Variants in PPP1R9A observed in about 807,000 individuals in gnomAD.
PPP1R9A encodes the protein neurabin-1.
Under a neutral mutation model 141.9 loss-of-function variants are expected in PPP1R9A, and 59 were observed. The ratio of observed to expected loss-of-function variants is 0.42; its 90% CI spans 0.34 to 0.52. The LOEUF (loss-of-function observed/expected upper bound fraction) is 0.52, where lower values mean the gene tolerates loss of function less well. Among genes scored for constraint, PPP1R9A ranks in the 20% least tolerant of loss-of-function variants. PPP1R9A has a pLI of 0.10. For missense variants in PPP1R9A, 1,444 were observed against 1,611.9 expected (o/e 0.90, Z 1.78); for synonymous variants, 500 against 569.7 (o/e 0.88, Z 1.74).
intron 5 of PPP1R9A, among the ~76,000 whole-genome samples, chr7:95,170,053 G>C (rs1357593179): frequency 6.6e-6 from 1 of 151,636 alleles, no homozygotes; most frequent in Non-Finnish European, 1.5e-5. Flanking sequence ...TAAAAAGAAG[G>C]TTCTACTCCA....
chr7:95,179,342 C>T (rs1458303591), intron 5 of PPP1R9A, among the ~76,000 whole-genome samples: 2 of 152,066 alleles, frequency 1.3e-5, no homozygotes, highest in African/African-American at 2.4e-5. Flanking sequence ...AATTAAAACT[C>T]ACAGTAACAT....
intron 8 of PPP1R9A, among the ~76,000 whole-genome samples, chr7:95,245,701 C>T (rs892722174): frequency 2.0e-5 from 3 of 152,172 alleles, no homozygotes; most frequent in Admixed American, 6.5e-5. Context: ...GATTAGGTTC[C>T]TTGCCAGGTG....
intron 8 of PPP1R9A, among the ~76,000 whole-genome samples, chr7:95,227,919 A>G (rs961543592): frequency 2.6e-5 from 4 of 152,166 alleles, no homozygotes; most frequent in African/African-American, 9.7e-5. Context: ...TCATTTCTTC[A>G]GAATATTGCC....
At chr7:95,156,251 G>T (rs1344405951) in intron 4 of PPP1R9A, 3 of 152,306 alleles carry the variant, frequency 2.0e-5, no homozygotes, top group Non-Finnish European at 4.4e-5. Context: ...GCCAGACCAG[G>T]TGCACTGCAG....
intron 2 of PPP1R9A, among the ~76,000 whole-genome samples, chr7:95,096,205 C>A (rs930002204): frequency 5.3e-5 from 8 of 152,102 alleles, no homozygotes; most frequent in Admixed American, 5.2e-4. Context: ...TACATAATTT[C>A]ACCCTAAAAA....
At chr7:95,101,085 C>G (rs947280465) in intron 2 of PPP1R9A, among the ~76,000 whole-genome samples, 11 of 151,826 alleles carry the variant, frequency 7.2e-5, no homozygotes, top group Non-Finnish European at 1.3e-4. Flanking sequence ...ATCTCCTGAC[C>G]TCGTGATCCG....
intron 12 of PPP1R9A, among the ~76,000 whole-genome samples, chr7:95,264,839 A>G (rs1801014532): frequency 6.6e-6 from 1 of 152,172 alleles, no homozygotes; most frequent in Non-Finnish European, 1.5e-5. Context: ...TTTTCCGCTG[A>G]CCCTTATGGA....
chr7:95,175,931 A>G (rs1832835673), intron 5 of PPP1R9A, among the ~76,000 whole-genome samples: 2 of 152,130 alleles, frequency 1.3e-5, no homozygotes, highest in African/African-American at 4.8e-5. Flanking sequence ...AAAAGAAAAT[A>G]TAGGCTGGGA....
rs1820517779 is a variant in PPP1R9A, at chr7:95,111,261, T to C, written c.1398T>C (p.Val466=). The stretch of plus-strand genomic sequence containing the variant: ...ATCTTGTTGGCCTCTTACTACAGGT[T>C]TTCAACACATACTCCAATGAAGACT... ...KIKFSSAPIK[V]FNTYSNEDYD... Residue 466 remains valine, a splice_region_variant and synonymous_variant, in exon 3 of 20, where the codon GTT becomes GTC. Transcript: ENST00000433360. 2 of 1,611,100 alleles carry C rather than the reference T, an allele frequency of 1.2e-6. No individual in the cohort carries two copies. Among genetic ancestry groups the C allele is most frequent in the African/African-American group, 2.7e-5 (2 of 74,786 alleles).
chr7:94,932,106 A>T (rs1261145028), intron 2 of PPP1R9A, among the ~76,000 whole-genome samples: 1 of 152,222 alleles, frequency 6.6e-6, no homozygotes, highest in Non-Finnish European at 1.5e-5. Context: ...ATATAGATAA[A>T]TTGGCAAGTG....
chr7:94,981,068 G>A (rs527593177), intron 2 of PPP1R9A, among the ~76,000 whole-genome samples: 5 of 152,250 alleles, frequency 3.3e-5, no homozygotes, highest in Non-Finnish European at 5.9e-5. Flanking sequence ...AGAATAATGG[G>A]AGATGGTTGC....
intron 4 of PPP1R9A, among the ~76,000 whole-genome samples, chr7:95,148,286 C>T (rs1230803913): frequency 3.3e-5 from 5 of 151,790 alleles, no homozygotes; most frequent in East Asian, 1.9e-4. Flanking sequence ...TAGCAAAGAT[C>T]GATATTTTTG....
At chr7:95,010,655 TGTG>T (rs532706602) in intron 2 of PPP1R9A, among the ~76,000 whole-genome samples, 1 of 152,140 alleles carries the variant, frequency 6.6e-6, no homozygotes, top group African/African-American at 2.4e-5. Context: ...TAGTCCCTTA[TGTG>T]GTTAGTAGGC....
intron 7 of PPP1R9A, among the ~76,000 whole-genome samples, chr7:95,224,330 T>G (rs1304726817): frequency 6.6e-6 from 1 of 152,134 alleles, no homozygotes; most frequent in Non-Finnish European, 1.5e-5. Context: ...GGAAAATCAT[T>G]GCTCCACATG....
chr7:95,042,987 C>T (rs1809478777), intron 2 of PPP1R9A, among the ~76,000 whole-genome samples: 1 of 151,884 alleles, frequency 6.6e-6, no homozygotes, highest in Non-Finnish European at 1.5e-5. Context: ...TAACTTAGAA[C>T]CATATTTTTA....
chr7:94,947,277 C>A (rs1014993150), intron 2 of PPP1R9A, among the ~76,000 whole-genome samples: 2 of 152,144 alleles, frequency 1.3e-5, no homozygotes, highest in African/African-American at 4.8e-5. Flanking sequence ...TTATCAAGCT[C>A]CAGAATTGCT....
chr7:95,111,527 CA>C, intron 3 of PPP1R9A, 136 bp downstream of exon 3: 2 of 939,422 alleles, frequency 2.1e-6, no homozygotes, highest in Non-Finnish European at 3.1e-6. Context: ...TATTAAGTTT[CA>C]AAAATAGTTG....
intron 2 of PPP1R9A, among the ~76,000 whole-genome samples, chr7:95,064,308 T>C (rs1231834759): frequency 1.3e-5 from 2 of 152,222 alleles, no homozygotes; most frequent in African/African-American, 4.8e-5. Flanking sequence ...GCTAGTATAC[T>C]GCTATAGCTC....
intron 8 of PPP1R9A, among the ~76,000 whole-genome samples, chr7:95,240,454 G>GT (rs1005646090): frequency 6.8e-6 from 1 of 147,508 alleles, no homozygotes; most frequent in Non-Finnish European, 1.5e-5. Flanking sequence ...TATCTATTAC[G>GT]TTTTTTTATG....
Sources: allele counts gnomAD v4.1 joint callset (sites outside exome capture counted in the v4.1 genomes callset), GRCh38; gene constraint gnomAD v4.1.1; transcripts MANE v1.5; gene names NCBI Gene and HGNC (gene_info 2026-07-23, HGNC 2026-07-21).